The following GREB1L variants were observed in gnomAD, a reference collection of about 807,000 sequenced individuals.
The protein encoded by GREB1L is GREB1-like protein.
GREB1L carries 17 observed loss-of-function variants against 200.8 expected under a neutral mutation model. The ratio of observed to expected loss-of-function variants is 0.08; its 90% CI spans 0.06 to 0.13. GREB1L has a LOEUF of 0.13. Ranked by LOEUF, GREB1L falls within the 10% of genes least tolerant of loss-of-function variation. The pLI, the probability that GREB1L is intolerant of heterozygous loss-of-function variation, is 1.00. For missense variants in GREB1L, 1,657 were observed against 2,367.7 expected (o/e 0.70, Z 6.23); for synonymous variants, 789 against 893.0 (o/e 0.88, Z 2.08).
In GREB1L at chr18:21,430,581, CTTTTTTTT is replaced by C. The variant is rs147151717; in HGVS notation, c.833-8920_833-8913del. On this transcript the variant is annotated intron_variant, in intron 7 of 32. Transcript: ENST00000424526. ...ACTCTTAAGGTGATTGATTTGGGAT[CTTTTTTTT>C]TTTTTTTTTTTTTTTTTTTAATTTG... Among the ~76,000 whole-genome samples the C allele has an allele frequency of 2.9e-3, 174 of 60,204 alleles. 1 individual carries two copies. The highest frequency in any genetic ancestry group is 4.7e-3 in the Non-Finnish European group (151 of 32,296). The allele number at this position is 60,204 out of a possible 152,430, so 39.5% of individuals were successfully genotyped here.
chr18:21,244,278 A>G (rs945463584), intron 1 of GREB1L, among the ~76,000 whole-genome samples: 7 of 152,190 alleles, frequency 4.6e-5, no homozygotes, highest in African/African-American at 1.7e-4. Flanking sequence ...GAAGTAGAGA[A>G]TGAGAACTGT....
chr18:21,489,857 G>A (rs539768170), intron 18 of GREB1L, among the ~76,000 whole-genome samples, 155 bp from the exon 19 acceptor site: 3 of 152,156 alleles, frequency 2.0e-5, no homozygotes, highest in Non-Finnish European at 4.4e-5. Context: ...TCCTTCCAGT[G>A]ATGTAGGATC....
chr18:21,251,607 CAT>C (rs1479483968), intron 1 of GREB1L, among the ~76,000 whole-genome samples: 1 of 152,038 alleles, frequency 6.6e-6, no homozygotes, highest in African/African-American at 2.4e-5. Context: ...ATGCCATAGA[CAT>C]ATGATAGATT....
chr18:21,393,297 G>GT (rs1157031323), intron 4 of GREB1L, among the ~76,000 whole-genome samples: 1 of 151,884 alleles, frequency 6.6e-6, no homozygotes, highest in East Asian at 2.0e-4. Flanking sequence ...CTGAAATAGC[G>GT]TTTTTTTCCC....
intron 1 of GREB1L, chr18:21,363,878 T>G (rs565895656): frequency 6.6e-6 from 1 of 152,314 alleles, no homozygotes; most frequent in South Asian, 2.1e-4. Flanking sequence ...ATTCCATGCT[T>G]TGGATTTGCA....
chr18:21,494,965 G>C (rs1001278617), intron 19 of GREB1L, among the ~76,000 whole-genome samples: 7 of 152,126 alleles, frequency 4.6e-5, no homozygotes, highest in African/African-American at 1.7e-4. Context: ...GTGTTTATAT[G>C]AAAAATTGAT....
At chr18:21,496,835 C>T (rs2036566604) in intron 21 of GREB1L, 137 bp downstream of exon 21, 4 of 909,952 alleles carry the variant, frequency 4.4e-6, no homozygotes, top group Non-Finnish European at 6.5e-6. Context: ...CTCTCCAGAC[C>T]CAGCTCCAGG....
chr18:21,463,664 A>C (rs1318452594), intron 15 of GREB1L, among the ~76,000 whole-genome samples: 1 of 152,002 alleles, frequency 6.6e-6, no homozygotes, highest in Non-Finnish European at 1.5e-5. Flanking sequence ...TCCAGCCTCG[A>C]ACTCCCAGGC....
At chr18:21,445,895 T>C (rs751910401) in intron 11 of GREB1L, among the ~76,000 whole-genome samples, 1 of 152,224 alleles carries the variant, frequency 6.6e-6, no homozygotes, top group Non-Finnish European at 1.5e-5. Flanking sequence ...GATTATAGAC[T>C]GTGTTCTAAG....
intron 14 of GREB1L, chr18:21,452,440 T>G (rs2034570805): frequency 6.0e-6 from 3 of 498,590 alleles, no homozygotes; most frequent in Non-Finnish European, 1.0e-5. Flanking sequence ...AAAATCAAAG[T>G]CAAAGACTTT....
intron 1 of GREB1L, among the ~76,000 whole-genome samples, chr18:21,332,034 T>C (rs2145046984): frequency 6.6e-6 from 1 of 152,346 alleles, no homozygotes; most frequent in African/African-American, 2.4e-5. Flanking sequence ...TTGTTCCAAG[T>C]AACTTTATTT....
chr18:21,425,541 C>T (rs1056226210), intron 7 of GREB1L, among the ~76,000 whole-genome samples: 1 of 152,186 alleles, frequency 6.6e-6, no homozygotes, highest in Non-Finnish European at 1.5e-5. Flanking sequence ...TCTCCATATC[C>T]TTACCAACAC....
At chr18:21,463,521 T>C (rs1568032501) in intron 15 of GREB1L, among the ~76,000 whole-genome samples, 1 of 152,116 alleles carries the variant, frequency 6.6e-6, no homozygotes, top group Non-Finnish European at 1.5e-5. Flanking sequence ...ATAAGAAATA[T>C]TCATTTTAGG....
intron 1 of GREB1L, among the ~76,000 whole-genome samples, chr18:21,360,537 G>C (rs2143533818): frequency 6.6e-6 from 1 of 152,224 alleles, no homozygotes; most frequent in South Asian, 2.1e-4. Context: ...CTGATATTAG[G>C]ATTAAATGAA....
intron 7 of GREB1L, among the ~76,000 whole-genome samples, chr18:21,418,805 G>A (rs1339477636): frequency 6.6e-6 from 1 of 152,116 alleles, no homozygotes. Context: ...GATTACCAGC[G>A]TGCACCACTG....
intron 4 of GREB1L, among the ~76,000 whole-genome samples, chr18:21,389,199 A>G (rs2040680976): frequency 6.6e-6 from 1 of 152,190 alleles, no homozygotes; most frequent in Admixed American, 6.5e-5. Context: ...CATTATGGCC[A>G]TAAATACCTA....
intron 2 of GREB1L, 97 bp from the exon 3 acceptor site, chr18:21,383,413 A>G: frequency 1.1e-6 from 1 of 873,306 alleles, no homozygotes; most frequent in Admixed American, 3.4e-5. Context: ...AACAAGATAT[A>G]TGGACATAGT....
intron 4 of GREB1L, among the ~76,000 whole-genome samples, chr18:21,393,713 G>T (rs2144324179): frequency 6.6e-6 from 1 of 152,234 alleles, no homozygotes; most frequent in East Asian, 1.9e-4. Context: ...ACAGGTGCGG[G>T]TCACCGCGCC....
chr18:21,483,762 A>C (rs540380830), intron 17 of GREB1L, among the ~76,000 whole-genome samples: 1 of 152,206 alleles, frequency 6.6e-6, no homozygotes, highest in South Asian at 2.1e-4. Context: ...TGATCACCTG[A>C]GATCAGGAAT....
Sources: gnomAD v4.1 joint callset for allele counts (sites outside exome capture counted in the v4.1 genomes callset) on GRCh38, gnomAD v4.1.1 for gene constraint, MANE v1.5 for transcripts, NCBI Gene and HGNC (gene_info 2026-07-23, HGNC 2026-07-21) for gene names.